MAGI2: variants seen among roughly 807,000 people sequenced by gnomAD.
The protein encoded by MAGI2 is membrane-associated guanylate kinase, WW and PDZ domain-containing protein 2.
A neutral mutation model predicts 133.3 loss-of-function variants in MAGI2; 35 were observed. The ratio of observed to expected loss-of-function variants is 0.26; its 90% CI spans 0.20 to 0.35. The LOEUF (loss-of-function observed/expected upper bound fraction) is 0.35. Among genes scored for constraint, MAGI2 ranks in the 10% least tolerant of loss-of-function variants. The pLI, the probability that MAGI2 is intolerant of heterozygous loss-of-function variation, is 1.00. For synonymous variants in MAGI2, 729 were observed against 710.6 expected, an observed-to-expected ratio of 1.03 and a Z score of -0.41; for missense variants, 1,636 against 1,863.4, an observed-to-expected ratio of 0.88 and a Z score of 2.25.
intron 2 of MAGI2, among the ~76,000 whole-genome samples, chr7:78,779,249 T>C (rs940430510): frequency 6.3e-4 from 96 of 152,186 alleles, no homozygotes; most frequent in Non-Finnish European, 5.0e-4. Flanking sequence ...ACAGCAACTT[T>C]TTTTTTCCCC....
rs555155638 is a variant in MAGI2, at chr7:79,378,526, T to A, written c.301+74494A>T. 7.9e-5 allele frequency among the ~76,000 whole-genome samples: 12 copies of A among 151,234 alleles called. No individual in the cohort carries two copies. The South Asian group carries it at 2.5e-3, about 32-fold the overall frequency. On this transcript the variant is annotated intron_variant, in intron 1 of 21. Transcript: ENST00000354212. The stretch of plus-strand genomic sequence containing the variant: ...ACATGATTTCATTGTCTGGCAGGGT[T>A]TTTTTTTAATGGAAGAATCATTTTA...
chr7:78,078,810 GTGTA>G lies in MAGI2; in HGVS notation c.3706+133_3706+136del, dbSNP rs372523961. 0.037 allele frequency: 28,604 copies of G among 764,478 alleles called. 338 individuals are homozygous for G. Among genetic ancestry groups the G allele is most frequent in the East Asian group, 0.072 (2,679 of 37,336 alleles). The allele number at this position is 764,478 out of a possible 1,614,324, so 47.4% of individuals were successfully genotyped here. The stretch of plus-strand genomic sequence containing the variant: ...TGTATGTGTGTGTGTGTGTGTGTGT[GTGTA>G]TATATATACCTATTGATAGCTAAAT... On this transcript the variant is annotated intron_variant, in intron 21 of 21. Coordinates refer to ENST00000354212, the MANE Select transcript of MAGI2 (RefSeq NM_012301.4).
chr7:78,759,276 C>T (rs1017810713), intron 2 of MAGI2, among the ~76,000 whole-genome samples: 1 of 151,892 alleles, frequency 6.6e-6, no homozygotes, highest in Admixed American at 6.6e-5. Flanking sequence ...GAACATCTGG[C>T]CTACCTAAAA....
intron 1 of MAGI2, among the ~76,000 whole-genome samples, chr7:79,394,954 T>G (rs4141208): frequency 0.25 from 37,461 of 152,110 alleles, 5,977 homozygotes; most frequent in African/African-American, 0.44. Context: ...AATTTACGCC[T>G]TTAGATTTTG....
chr7:78,528,493 C>G (rs1329467451), intron 3 of MAGI2, among the ~76,000 whole-genome samples: 2 of 151,958 alleles, frequency 1.3e-5, no homozygotes. Flanking sequence ...CTCATGTCAC[C>G]CATGGCAAAA....
chr7:78,517,107 C>A (rs1308682473), intron 4 of MAGI2, among the ~76,000 whole-genome samples: 1 of 151,936 alleles, frequency 6.6e-6, no homozygotes, highest in African/African-American at 2.4e-5. Context: ...GAATTTGAAG[C>A]CATGGGGCTG....
At chr7:78,521,800 G>C (rs980177406) in intron 3 of MAGI2, among the ~76,000 whole-genome samples, 155 bp from the exon 4 acceptor site, 3 of 151,842 alleles carry the variant, frequency 2.0e-5, no homozygotes, top group African/African-American at 7.3e-5. Flanking sequence ...CTATCTATGT[G>C]TCTCTCTATA....
At chr7:79,256,486 CTTTTTTTTTTT>C (rs11303181) in intron 1 of MAGI2, among the ~76,000 whole-genome samples, 1 of 82,774 alleles carries the variant, frequency 1.2e-5, no homozygotes, top group Non-Finnish European at 2.3e-5. Context: ...CTCTCTCTCT[CTTTTTTTTTTT>C]TTTTTTTTTT....
chr7:78,921,713 C>T (rs549030705), intron 2 of MAGI2, among the ~76,000 whole-genome samples: 8 of 151,862 alleles, frequency 5.3e-5, no homozygotes, highest in Non-Finnish European at 1.2e-4. Flanking sequence ...CTCACTGCAA[C>T]CTCCACTGCC....
At chr7:79,106,017 T>C (rs1191628810) in intron 1 of MAGI2, among the ~76,000 whole-genome samples, 1 of 152,210 alleles carries the variant, frequency 6.6e-6, no homozygotes. Flanking sequence ...ACAAAAACTA[T>C]GCTGGAATGT....
rs544986223 is a variant in MAGI2, at chr7:78,430,227, G to C, written c.1045+59534C>G. Among the ~76,000 whole-genome samples the C allele has an allele frequency of 1.2e-4, 13 of 108,362 alleles. No individual in the cohort carries two copies. In the South Asian group the frequency reaches 4.0e-3, roughly 33 times the overall value. 71.1% of individuals were successfully genotyped at this position (108,362 alleles called of 152,430 possible). A position where few individuals can be genotyped will look rare whatever the true frequency, so the allele number is the denominator to read the frequency against. ...CAATGCTCTAACTGTATTACTGTCT[G>C]TTCTGGAAAAGCCTTTTTTTTTTTT... On this transcript the variant is annotated intron_variant, in intron 6 of 21. Coordinates refer to ENST00000354212, the MANE Select transcript of MAGI2 (RefSeq NM_012301.4).
At chr7:79,377,688 C>T (rs1843470563) in intron 1 of MAGI2, among the ~76,000 whole-genome samples, 1 of 151,760 alleles carries the variant, frequency 6.6e-6, no homozygotes, top group Non-Finnish European at 1.5e-5. Flanking sequence ...ACATCAATTG[C>T]TTCAGAACAG....
At chr7:78,034,640 G>A (rs553164442) in intron 21 of MAGI2, among the ~76,000 whole-genome samples, 3 of 152,202 alleles carry the variant, frequency 2.0e-5, no homozygotes, top group African/African-American at 7.2e-5. Context: ...CAGTTCTCCT[G>A]CCTCAGCCTC....
intron 2 of MAGI2, among the ~76,000 whole-genome samples, chr7:78,852,067 G>T (rs1005138643): frequency 6.6e-6 from 1 of 152,036 alleles, no homozygotes; most frequent in Non-Finnish European, 1.5e-5. Context: ...TATTTTTAAA[G>T]TCTTGTCGAT....
chr7:79,225,731 G>A (rs539617123), intron 1 of MAGI2, among the ~76,000 whole-genome samples: 6 of 152,182 alleles, frequency 3.9e-5, no homozygotes, highest in African/African-American at 1.4e-4. Flanking sequence ...CTGGATTAAG[G>A]CAACTGAGAA....
chr7:78,758,741 T>G (rs943368764), intron 2 of MAGI2, among the ~76,000 whole-genome samples: 7 of 152,186 alleles, frequency 4.6e-5, no homozygotes, highest in Non-Finnish European at 7.3e-5. Context: ...ATGCTCCTTA[T>G]GCATCTCAGA....
At chr7:79,134,927 C>T (rs906003241) in intron 1 of MAGI2, among the ~76,000 whole-genome samples, 13 of 152,150 alleles carry the variant, frequency 8.5e-5, no homozygotes, top group Non-Finnish European at 1.8e-4. Flanking sequence ...TTAGCCAGGA[C>T]TTGCTAATGG....
chr7:78,521,002 G>A (rs576105460), intron 4 of MAGI2, among the ~76,000 whole-genome samples: 49 of 152,254 alleles, frequency 3.2e-4, no homozygotes, highest in South Asian at 1.0e-3. Context: ...ACTGAGAGAA[G>A]TGCAAGCATA....
At chr7:78,377,284 C>T (rs1335701876) in intron 6 of MAGI2, among the ~76,000 whole-genome samples, 2 of 152,054 alleles carry the variant, frequency 1.3e-5, no homozygotes, top group African/African-American at 4.8e-5. Flanking sequence ...CAATCCAGTG[C>T]AGCCAGCTAG....
Sources: gnomAD v4.1 joint callset for allele counts (sites outside exome capture counted in the v4.1 genomes callset) on GRCh38, gnomAD v4.1.1 for gene constraint, MANE v1.5 for transcripts, NCBI Gene and HGNC (gene_info 2026-07-23, HGNC 2026-07-21) for gene names.